The following RTF1 variants were observed in gnomAD, a reference collection of about 807,000 sequenced individuals.
RTF1 encodes the protein RTF1 homolog, Paf1/RNA polymerase II complex component.
A neutral mutation model predicts 95.7 loss-of-function variants in RTF1; 10 were observed. The ratio of observed to expected loss-of-function variants is 0.10; its 90% confidence interval spans 0.06 to 0.18. RTF1 has a LOEUF of 0.18. RTF1 is among the 10% of genes least tolerant of loss of function. The pLI is 1.00. For missense variants in RTF1, 458 were observed against 875.6 expected (o/e 0.52, Z 6.02); for synonymous variants, 305 against 311.8 (o/e 0.98, Z 0.23).
chr15:41,461,941 AG>A (rs1035137635), intron 4 of RTF1, among the ~76,000 whole-genome samples: 3 of 112,408 alleles, frequency 2.7e-5, no homozygotes, highest in Non-Finnish European at 5.5e-5. Flanking sequence ...TTTTTTAGAG[AG>A]GGGGGGTTTG....
chr15:41,453,105 T>G, intron 3 of RTF1, 57 bp downstream of exon 3: 1 of 1,448,270 alleles, frequency 6.9e-7, no homozygotes. Context: ...AGCTTGAAGG[T>G]GCAAAGGCAG....
chr15:41,478,870 C>A (rs955679361), intron 15 of RTF1: 44 of 607,398 alleles, frequency 7.2e-5, no homozygotes, highest in Non-Finnish European at 1.2e-4. Context: ...GTTTACAGTG[C>A]AGCAGACATT....
intron 3 of RTF1, among the ~76,000 whole-genome samples, chr15:41,455,313 C>CAA (rs1274614247): frequency 2.0e-4 from 15 of 76,244 alleles, no homozygotes; most frequent in Admixed American, 8.8e-4. Flanking sequence ...ACTCTGTCTC[C>CAA]AAAAAAAAAA....
intron 1 of RTF1, among the ~76,000 whole-genome samples, chr15:41,431,381 CT>C (rs1566837210): frequency 6.7e-6 from 1 of 149,816 alleles, no homozygotes; most frequent in East Asian, 2.0e-4. Flanking sequence ...CGCCCAGCTA[CT>C]TTTTTTGTAT....
rs1356881602 is a variant in RTF1, at chr15:41,478,540, T to C, written c.1741-8T>C. 6.2e-7 allele frequency: 1 copy of C among 1,613,356 alleles called. No individual in the cohort carries two copies. The highest frequency in any genetic ancestry group is 2.2e-5 in the East Asian group (1 of 44,866). Reference sequence around the variant, plus strand: ...GTGCAGTTCTGTGGTGCATGCTTTCTGTTTCAGGCTGAAAGTCACAACATG... The same window carrying C: ...GTGCAGTTCTGTGGTGCATGCTTTCCGTTTCAGGCTGAAAGTCACAACATG... On this transcript the variant is annotated splice_region_variant and splice_polypyrimidine_tract_variant and intron_variant, in intron 14 of 17. Coordinates refer to ENST00000389629, the MANE Select transcript of RTF1 (RefSeq NM_015138.5).
At chr15:41,425,125 C>T (rs1226074679) in intron 1 of RTF1, among the ~76,000 whole-genome samples, 5 of 152,010 alleles carry the variant, frequency 3.3e-5, no homozygotes, top group South Asian at 2.1e-4. Context: ...ATTTTTGAGA[C>T]GGAGTCTCGC....
chr15:41,471,988 T>A (rs965515613), intron 8 of RTF1, among the ~76,000 whole-genome samples: 1 of 152,090 alleles, frequency 6.6e-6, no homozygotes, highest in Admixed American at 6.6e-5. Context: ...AACCTCCGCC[T>A]CCCGGGTTCA....
At chr15:41,476,345 C>T in intron 11 of RTF1, 101 bp from the exon 12 acceptor site, 1 of 860,758 alleles carries the variant, frequency 1.2e-6, no homozygotes, top group Non-Finnish European at 2.0e-6. Context: ...GAAGAGCAGC[C>T]CCTTTGTAAC....
chr15:41,419,914 G>T (rs1189377133), intron 1 of RTF1, among the ~76,000 whole-genome samples: 1 of 152,082 alleles, frequency 6.6e-6, no homozygotes, highest in Non-Finnish European at 1.5e-5. Context: ...CCGCCCACTG[G>T]GTTCAAGCGA....
At chr15:41,464,981 A>G (rs1282601394) in intron 5 of RTF1, 96 bp downstream of exon 5, 13 of 1,400,482 alleles carry the variant, frequency 9.3e-6, no homozygotes. Context: ...AGGTGGATTT[A>G]TATTAATCAG....
At chr15:41,465,036 C>G in intron 5 of RTF1, 151 bp downstream of exon 5, 3 of 1,283,160 alleles carry the variant, frequency 2.3e-6, no homozygotes. Context: ...AATCTCTGGA[C>G]ATATCACCAT....
Position 41,480,251 on chromosome 15 carries a change from C to T in RTF1, c.1952C>T (p.Ala651Val), listed in dbSNP as rs746136020. 4 of 1,613,544 alleles carry T rather than the reference C, an allele frequency of 2.5e-6. No homozygotes were observed. Among genetic ancestry groups the T allele is most frequent in the Non-Finnish European group, 3.4e-6 (4 of 1,179,474 alleles). ...GKDKDLNSKS[A>V]SDLSEDLFKV... ...GATAAAGATTTGAATTCTAAGTCAGCCAGTGACCTCTCAGAAGATCTGTTC... is the reference window on the plus strand; with the variant it reads ...GATAAAGATTTGAATTCTAAGTCAGTCAGTGACCTCTCAGAAGATCTGTTC... The change falls in exon 17 of 18, where the codon GCC (alanine) becomes GTC (valine). Residue 651 changes from alanine to valine, a missense_variant. Physicochemically the swap from Ala to Val is moderately conservative, Grantham distance 64. Around this residue, in one of 11 missense-constraint regions of RTF1, gnomAD observed 50 missense variants for 100.0 expected, o/e 0.50. Transcript: ENST00000389629.
chr15:41,479,991 A>T (rs1423593284), intron 16 of RTF1, among the ~76,000 whole-genome samples: 1 of 151,902 alleles, frequency 6.6e-6, no homozygotes, highest in African/African-American at 2.4e-5. Context: ...CCCTTTCTAC[A>T]CTCATACCAC....
intron 1 of RTF1, among the ~76,000 whole-genome samples, chr15:41,421,122 G>A (rs2050598271): frequency 6.6e-6 from 1 of 151,964 alleles, no homozygotes; most frequent in South Asian, 2.1e-4. Flanking sequence ...AGGTGTTTGA[G>A]ATCAGCGTAG....
At chr15:41,424,823 A>G (rs767897218) in intron 1 of RTF1, among the ~76,000 whole-genome samples, 11 of 152,114 alleles carry the variant, frequency 7.2e-5, no homozygotes, top group Non-Finnish European at 1.2e-4. Context: ...AGGCGGGCCA[A>G]CATGGCGAAA....
chr15:41,453,573 A>T (rs1456975152), intron 3 of RTF1, among the ~76,000 whole-genome samples: 2 of 151,990 alleles, frequency 1.3e-5, no homozygotes, highest in African/African-American at 4.8e-5. Flanking sequence ...AAAAAAATTT[A>T]AAAATTAGCT....
intron 12 of RTF1, among the ~76,000 whole-genome samples, chr15:41,476,771 TA>T (rs1172723962): frequency 1.3e-5 from 2 of 152,234 alleles, no homozygotes; most frequent in African/African-American, 4.8e-5. Flanking sequence ...TCCTTTGTAA[TA>T]AAATAGACCC....
At chr15:41,447,913 C>T (rs1342465281) in intron 2 of RTF1, among the ~76,000 whole-genome samples, 6 of 152,120 alleles carry the variant, frequency 3.9e-5, no homozygotes, top group South Asian at 2.1e-4. Context: ...TCTCTACTTC[C>T]TTCTGGATGG....
Position 41,475,448 on chromosome 15 carries a change from T to C in RTF1, c.1287-77T>C, listed in dbSNP as rs1220142275. The C allele has an allele frequency of 2.7e-6, 3 of 1,106,158 alleles. No individual in the cohort carries two copies. The African/African-American group carries it at 4.6e-5, about 17-fold the overall frequency. The allele number at this position is 1,106,158 out of a possible 1,614,324, so 68.5% of individuals were successfully genotyped here. On this transcript the variant is annotated intron_variant, in intron 9 of 17. Coordinates refer to ENST00000389629, the MANE Select transcript of RTF1 (RefSeq NM_015138.5). ...GCAATAGGTATATATAGGTGGTACA[T>C]AGTCTGGTAAGGTTGCTTTGCTTGT...
Sources: gnomAD v4.1 joint callset for allele counts (sites outside exome capture counted in the v4.1 genomes callset) on GRCh38, gnomAD v4.1.1 for gene constraint, gnomAD v4.1.1 regional missense constraint, MANE v1.5 for transcripts, NCBI Gene and HGNC (gene_info 2026-07-23, HGNC 2026-07-21) for gene names.